Variants in FNIP1 observed in about 807,000 individuals in gnomAD.
The protein encoded by FNIP1 is folliculin-interacting protein 1.
A neutral mutation model predicts 124.5 loss-of-function variants in FNIP1; 40 were observed. The ratio of observed to expected loss-of-function variants is 0.32; its 90% CI spans 0.25 to 0.42. FNIP1 has a LOEUF of 0.42. Ranked by LOEUF, FNIP1 falls within the 10% of genes least tolerant of loss-of-function variation. FNIP1 has a pLI of 1.00. For missense variants in FNIP1, 1,176 were observed against 1,403.7 expected (o/e 0.84, Z 2.59); for synonymous variants, 472 against 470.6 (o/e 1.00, Z -0.04).
intron 1 of FNIP1, among the ~76,000 whole-genome samples, chr5:131,760,719 T>C (rs1264985604): frequency 6.6e-6 from 1 of 152,162 alleles, no homozygotes; most frequent in African/African-American, 2.4e-5. Context: ...GTGATACAGA[T>C]CATTCTGAGA....
chr5:131,671,969 ATTCC>A lies in FNIP1; in HGVS notation c.2471_2474del (p.Trp824PhefsTer8). ...AGCTCATGCTTTCTGGGTCTGAATG[ATTCC>A]AACAGGGAAGTTCACAGGGCTCTTC... On this transcript the variant is annotated frameshift_variant, in exon 14 of 18. Transcript: ENST00000510461. LOFTEE classifies it high-confidence loss of function. 6.2e-7 allele frequency: 1 copy of A among 1,614,204 alleles called. No individual in the cohort carries two copies. Among genetic ancestry groups the A allele is most frequent in the Non-Finnish European group, 8.5e-7 (1 of 1,180,020 alleles).
Position 131,643,716 on chromosome 5 carries a change from T to C in FNIP1, c.*969A>G, listed in dbSNP as rs996126688. On this transcript the variant is annotated 3_prime_UTR_variant, in exon 18 of 18. Coordinates refer to ENST00000510461, the MANE Select transcript of FNIP1 (RefSeq NM_133372.3). ...GGATTATTAAGCAGTGAAACAAATA[T>C]TCAGCTCCTATGGGTTCATGAGGGT... 3.3e-5 allele frequency: 5 copies of C among 152,704 alleles called. No individual in the cohort carries two copies. The highest frequency in any genetic ancestry group is 7.3e-5 in the Non-Finnish European group (5 of 68,030). 9.5% of individuals were successfully genotyped at this position (152,704 alleles called of 1,614,324 possible). A position where few individuals can be genotyped will look rare whatever the true frequency, so the allele number is the denominator to read the frequency against.
At chr5:131,654,292 T>TA (rs1561638444) in intron 15 of FNIP1, among the ~76,000 whole-genome samples, 3 of 152,216 alleles carry the variant, frequency 2.0e-5, no homozygotes, top group Admixed American at 2.0e-4. Flanking sequence ...GATTTTTTTT[T>TA]ACTACTGGCC....
intron 11 of FNIP1, among the ~76,000 whole-genome samples, chr5:131,698,171 G>T (rs1478816011): frequency 2.0e-5 from 3 of 152,080 alleles, no homozygotes; most frequent in African/African-American, 7.2e-5. Context: ...AAGATCACCA[G>T]AGGTAGTAAA....
intron 15 of FNIP1, among the ~76,000 whole-genome samples, chr5:131,659,205 T>C (rs1767316163): frequency 6.6e-6 from 1 of 152,134 alleles, no homozygotes; most frequent in African/African-American, 2.4e-5. Flanking sequence ...CCAGGGTACA[T>C]GTTGTTGCCG....
chr5:131,677,659 C>T (rs765705897), intron 13 of FNIP1, 44 bp downstream of exon 13: 52 of 1,503,862 alleles, frequency 3.5e-5, no homozygotes, highest in Non-Finnish European at 4.2e-5. Flanking sequence ...CAGATAGCTA[C>T]AAAAAAGTCT....
At chr5:131,738,059 T>A (rs913737236) in intron 2 of FNIP1, among the ~76,000 whole-genome samples, 1 of 152,070 alleles carries the variant, frequency 6.6e-6, no homozygotes, top group Non-Finnish European at 1.5e-5. Flanking sequence ...TCAGTATAGG[T>A]TTTTTTGCTT....
chr5:131,787,610 G>C (rs1000884065), intron 1 of FNIP1, among the ~76,000 whole-genome samples: 2 of 152,178 alleles, frequency 1.3e-5, no homozygotes, highest in African/African-American at 4.8e-5. Flanking sequence ...CATGGGGTAA[G>C]ATACTTAATT....
chr5:131,672,324 T>C lies in FNIP1; in HGVS notation c.2120A>G (p.Gln707Arg), dbSNP rs757732771. Residue 707 changes from glutamine to arginine, a missense_variant, in exon 14 of 18, where the codon CAG becomes CGG. By Grantham distance (43) the Gln-to-Arg change is conservative (BLOSUM62 1). This residue lies in a region of FNIP1 where 1,109 missense variants were observed against 1,288.5 expected (regional missense o/e 0.86). Coordinates refer to ENST00000510461, the MANE Select transcript of FNIP1 (RefSeq NM_133372.3). Reference protein sequence around the residue: ...SGLESTEETWQSEKLLDSDSH... With the variant: ...SGLESTEETWRSEKLLDSDSH... ...GTCTGAATCCAGCAACTTCTCACTCTGCCATGTTTCCTCTGTTGACTCTAA... is the reference window on the plus strand; with the variant it reads ...GTCTGAATCCAGCAACTTCTCACTCCGCCATGTTTCCTCTGTTGACTCTAA... The C allele has an allele frequency of 1.9e-6, 3 of 1,614,226 alleles. No individual in the cohort carries two copies. In the African/African-American group the frequency reaches 4.0e-5, roughly 22 times the overall value.
chr5:131,768,629 GTGAAGCC>G, intron 1 of FNIP1, among the ~76,000 whole-genome samples: 1 of 152,086 alleles, frequency 6.6e-6, no homozygotes, highest in Non-Finnish European at 1.5e-5. Flanking sequence ...GGCCACCATG[GTGAAGCC>G]CCATCTCTAC....
Position 131,719,054 on chromosome 5 carries a change from A to C in FNIP1, c.462T>G (p.Pro154=), listed in dbSNP as rs1368986538. ...STLKIHQIRS[P]PQLMLSKVFT... Reference sequence around the variant, plus strand: ...ACACTTTGCTGAGCATGAGCTGTGGAGGGGAACTATGAAGAAAAAGAGAAA... The same window carrying C: ...ACACTTTGCTGAGCATGAGCTGTGGCGGGGAACTATGAAGAAAAAGAGAAA... The change falls in exon 5 of 18, where the codon CCT becomes CCG. Residue 154 remains proline (P), a synonymous_variant. Transcript: ENST00000510461. 2.5e-6 allele frequency: 4 copies of C among 1,613,538 alleles called. No individual in the cohort carries two copies. The highest frequency in any genetic ancestry group is 4.5e-5 in the East Asian group (2 of 44,870).
At chr5:131,759,133 C>CAA (rs747464180) in intron 1 of FNIP1, among the ~76,000 whole-genome samples, 2 of 152,008 alleles carry the variant, frequency 1.3e-5, no homozygotes, top group African/African-American at 2.4e-5. Context: ...TGTAAGATCT[C>CAA]AAACTTTAAA....
At chr5:131,781,481 C>CT (rs1433202965) in intron 1 of FNIP1, among the ~76,000 whole-genome samples, 2 of 152,208 alleles carry the variant, frequency 1.3e-5, no homozygotes, top group Non-Finnish European at 2.9e-5. Flanking sequence ...CAGCTAGTGA[C>CT]TTTAAGTTGA....
At position 131,712,409 on chromosome 5, in the gene FNIP1, T is replaced by C. The variant is rs528311033; in HGVS notation, c.623-1748A>G. Among the ~76,000 whole-genome samples, 18 of 152,360 alleles carry C rather than the reference T, an allele frequency of 1.2e-4. No individual in the cohort carries two copies. The South Asian group carries it at 3.5e-3, about 30-fold the overall frequency. On this transcript the variant is annotated intron_variant, in intron 6 of 17. Transcript: ENST00000510461. Reference sequence around the variant, plus strand: ...TCTCAAAATGTCATCCAAGGACCCGTTGGGTCCCCGAGACTTTCAGGGGGT... The same window carrying C: ...TCTCAAAATGTCATCCAAGGACCCGCTGGGTCCCCGAGACTTTCAGGGGGT...
chr5:131,738,126 T>C (rs1561682749), intron 2 of FNIP1, among the ~76,000 whole-genome samples: 2 of 151,626 alleles, frequency 1.3e-5, no homozygotes, highest in Non-Finnish European at 2.9e-5. Context: ...CTCAAATTCC[T>C]GAGCTCAAGC....
chr5:131,714,152 C>CA (rs1769390203), intron 6 of FNIP1, among the ~76,000 whole-genome samples: 1 of 152,234 alleles, frequency 6.6e-6, no homozygotes, highest in Non-Finnish European at 1.5e-5. Flanking sequence ...TATACAAAGG[C>CA]AGGCCCATTT....
intron 1 of FNIP1, among the ~76,000 whole-genome samples, chr5:131,792,160 CTTT>C (rs1236842478): frequency 3.6e-5 from 5 of 137,238 alleles, no homozygotes; most frequent in East Asian, 4.1e-4. Context: ...ATAACTGGCA[CTTT>C]TTTTTTTTTT....
Position 131,672,927 on chromosome 5 carries a change from G to A in FNIP1, c.1520-3C>T. ...GCCAATAGCGCCATACAAGTCTCCT[G>A]TAATGGAAAAAATCAGTTATTGGAC... is the stretch of plus-strand genomic sequence containing the variant. On this transcript the variant is annotated splice_region_variant and splice_polypyrimidine_tract_variant and intron_variant, in intron 13 of 17. Transcript: ENST00000510461. The A allele has an allele frequency of 6.6e-7, 1 of 1,521,720 alleles. No homozygotes were observed. Among genetic ancestry groups the A allele is most frequent in the Non-Finnish European group, 8.8e-7 (1 of 1,137,626 alleles). The allele number at this position is 1,521,720 out of a possible 1,614,324, so 94.3% of individuals were successfully genotyped here.
intron 8 of FNIP1, among the ~76,000 whole-genome samples, chr5:131,707,406 C>T (rs1769150777): frequency 6.6e-6 from 1 of 152,126 alleles, no homozygotes; most frequent in Non-Finnish European, 1.5e-5. Flanking sequence ...GAACCATTAT[C>T]ATCACTATTA....
Sources: gnomAD v4.1 joint callset for allele counts (sites outside exome capture counted in the v4.1 genomes callset) on GRCh38, gnomAD v4.1.1 for gene constraint, gnomAD v4.1.1 regional missense constraint, MANE v1.5 for transcripts, NCBI Gene and HGNC (gene_info 2026-07-23, HGNC 2026-07-21) for gene names.